GNB1L: variants seen among roughly 807,000 people sequenced by gnomAD.
GNB1L encodes G protein subunit beta 1 like, also known as guanine nucleotide-binding protein subunit beta-like protein 1.
GNB1L carries 20 observed loss-of-function variants against 29.1 expected under a neutral mutation model. The ratio of observed to expected loss-of-function variants is 0.69; its 90% CI spans 0.48 to 1.00. GNB1L has a LOEUF of 1.00. GNB1L is among the 50% of genes least tolerant of loss of function. GNB1L has a pLI of 0.00. For missense variants in GNB1L, 421 were observed against 464.9 expected, an observed-to-expected ratio of 0.91 and a Z score of 0.87; for synonymous variants, 193 against 206.5, an observed-to-expected ratio of 0.93 and a Z score of 0.56.
In GNB1L at chr22:19,849,088, G is replaced by A. The variant is rs1021615900; in HGVS notation, c.-21+5355C>T. 6.1e-6 allele frequency: 6 copies of A among 985,404 alleles called. No homozygotes were observed. The South Asian group carries it at 2.8e-4, about 46-fold the overall frequency. 61.0% of individuals were successfully genotyped at this position (985,404 alleles called of 1,614,324 possible). On this transcript the variant is annotated intron_variant, in intron 2 of 7. Coordinates refer to ENST00000329517, the MANE Select transcript of GNB1L (RefSeq NM_053004.3). ...CTGTGACCTGGCACAGAAGCATGGG[G>A]CTGGGCCAGGACATCCAGGGACTTC... is the stretch of plus-strand genomic sequence containing the variant.
chr22:19,803,462 G>A (rs753188729), intron 6 of GNB1L, among the ~76,000 whole-genome samples: 3 of 152,118 alleles, frequency 2.0e-5, no homozygotes, highest in Non-Finnish European at 4.4e-5. Context: ...CCAGGGCCCC[G>A]AGTGTACTCA....
At chr22:19,817,950 G>T (rs566287867) in intron 4 of GNB1L, among the ~76,000 whole-genome samples, 35 of 152,362 alleles carry the variant, frequency 2.3e-4, no homozygotes, top group African/African-American at 8.2e-4. Flanking sequence ...CTTGGCATGC[G>T]GGAGGCTGAG....
Position 19,788,085 on chromosome 22 carries a change from G to C in GNB1L, c.*624C>G. 6.1e-6 allele frequency: 1 copy of C among 164,040 alleles called. No homozygotes were observed. The highest frequency in any genetic ancestry group is 1.3e-5 in the Non-Finnish European group (1 of 75,196). The allele number at this position is 164,040 out of a possible 1,614,324, so 10.2% of individuals were successfully genotyped here. Reference sequence around the variant, plus strand: ...CACATCTGGCCTGGCCCTGTGCGCTGCAAGCCCCCCTTGCCGTCCCTCACA... The same window carrying C: ...CACATCTGGCCTGGCCCTGTGCGCTCCAAGCCCCCCTTGCCGTCCCTCACA... On this transcript the variant is annotated 3_prime_UTR_variant, in exon 8 of 8. Transcript: ENST00000329517.
At chr22:19,847,648 T>C in intron 2 of GNB1L, 1 of 985,106 alleles carries the variant, frequency 1.0e-6, no homozygotes, top group Non-Finnish European at 1.2e-6. Context: ...AGAGCCTTCA[T>C]GCACCTAGCA....
intron 4 of GNB1L, among the ~76,000 whole-genome samples, chr22:19,819,381 T>C (rs1206447528): frequency 6.6e-6 from 1 of 152,196 alleles, no homozygotes; most frequent in African/African-American, 2.4e-5. Flanking sequence ...GACTGGGACC[T>C]GGGCCCATGG....
At chr22:19,848,686 G>T in intron 2 of GNB1L, 1 of 985,434 alleles carries the variant, frequency 1.0e-6, no homozygotes, top group Non-Finnish European at 1.2e-6. Context: ...TGCCTAGGTG[G>T]ATGCTGCATG....
At chr22:19,847,316 G>A (rs1419579885) in intron 2 of GNB1L, 10 of 985,194 alleles carry the variant, frequency 1.0e-5, no homozygotes, top group Non-Finnish European at 1.2e-5. Context: ...TCTGGCTCAT[G>A]CTGACTGATC....
At chr22:19,851,372 G>C in intron 2 of GNB1L, 1 of 1,614,144 alleles carries the variant, frequency 6.2e-7, no homozygotes, top group Non-Finnish European at 8.5e-7. Context: ...GACAGGTGTG[G>C]GGGCTGCCTC....
intron 4 of GNB1L, among the ~76,000 whole-genome samples, chr22:19,812,939 T>G (rs78651973): frequency 2.0e-5 from 3 of 152,052 alleles, no homozygotes; most frequent in Non-Finnish European, 4.4e-5. Context: ...AGTGGGTGAA[T>G]TAGTTTCTCA....
intron 2 of GNB1L, chr22:19,852,276 GGAGAA>G: frequency 6.3e-7 from 1 of 1,584,460 alleles, no homozygotes; most frequent in Non-Finnish European, 8.6e-7. Flanking sequence ...GGAGCACAGG[GGAGAA>G]GAGAGGAGAG....
At chr22:19,806,207 C>T (rs1291694534) in intron 6 of GNB1L, among the ~76,000 whole-genome samples, 2 of 152,264 alleles carry the variant, frequency 1.3e-5, no homozygotes, top group East Asian at 3.8e-4. Flanking sequence ...GTTAAGTCCA[C>T]TCCTGCCTCT....
At chr22:19,852,729 G>C (rs1465433191) in intron 2 of GNB1L, among the ~76,000 whole-genome samples, 1 of 152,174 alleles carries the variant, frequency 6.6e-6, no homozygotes, top group Admixed American at 6.5e-5. Flanking sequence ...GATCAGAACT[G>C]TCAGGAATTT....
At chr22:19,840,497 G>A (rs530379615) in intron 2 of GNB1L, among the ~76,000 whole-genome samples, 115 of 152,258 alleles carry the variant, frequency 7.6e-4, no homozygotes, top group Admixed American at 1.4e-3. Flanking sequence ...CTGACCACAC[G>A]TCCCACTGAC....
At position 19,812,593 on chromosome 22, in the gene GNB1L, A is replaced by C. The variant is rs536313918; in HGVS notation, c.255-146T>G. ...CATCGCAGGTCGGGAGCCTCAGCTG[A>C]GGAAGGGCCTCACCGCTCTGGCATT... On this transcript the variant is annotated intron_variant, in intron 4 of 7. Transcript: ENST00000329517. 2.0e-5 allele frequency: 15 copies of C among 747,052 alleles called. No individual in the cohort carries two copies. The East Asian group carries it at 4.1e-4, about 20-fold the overall frequency. 46.3% of individuals were successfully genotyped at this position (747,052 alleles called of 1,614,324 possible).
chr22:19,812,704 G>A (rs5993842), intron 4 of GNB1L, among the ~76,000 whole-genome samples: 3,889 of 152,274 alleles, frequency 0.026, 144 homozygotes, highest in African/African-American at 0.083. Context: ...GCGTGGCCCC[G>A]GGGTGGGGGA....
rs1378733040 is a variant in GNB1L, at chr22:19,784,358, C to A, written c.*4351G>T. 1 of 152,186 alleles carries A rather than the reference C, an allele frequency of 6.6e-6. No individual in the cohort carries two copies. The highest frequency in any genetic ancestry group is 6.5e-5 in the Admixed American group (1 of 15,280). 9.4% of individuals were successfully genotyped at this position (152,186 alleles called of 1,614,324 possible). A position where few individuals can be genotyped will look rare whatever the true frequency, so the allele number is the denominator to read the frequency against. The stretch of plus-strand genomic sequence containing the variant: ...TGTGCTCCGGAGCCCTTCCCGGGAT[C>A]ATCTCCCGGCATCGGCTGACCCCTC... On this transcript the variant is annotated 3_prime_UTR_variant, in exon 8 of 8. Coordinates refer to ENST00000329517, the MANE Select transcript of GNB1L (RefSeq NM_053004.3).
At chr22:19,796,045 G>A (rs1446922058) in intron 7 of GNB1L, among the ~76,000 whole-genome samples, 1 of 152,250 alleles carries the variant, frequency 6.6e-6, no homozygotes, top group East Asian at 1.9e-4. Flanking sequence ...GGCCAGGAAG[G>A]TTGGAGGTAA....
chr22:19,820,195 T>C (rs1367019541), intron 4 of GNB1L, among the ~76,000 whole-genome samples: 3 of 152,132 alleles, frequency 2.0e-5, no homozygotes, highest in Admixed American at 6.5e-5. Flanking sequence ...CCTGAGCCTG[T>C]ACTTCATCCC....
chr22:19,827,965 G>A (rs557928134), intron 2 of GNB1L, among the ~76,000 whole-genome samples: 4 of 152,146 alleles, frequency 2.6e-5, no homozygotes, highest in Non-Finnish European at 5.9e-5. Context: ...GGGTAAATTC[G>A]TACGATAGAA....
Sources: gnomAD v4.1 joint callset for allele counts (sites outside exome capture counted in the v4.1 genomes callset) on GRCh38, gnomAD v4.1.1 for gene constraint, MANE v1.5 for transcripts, NCBI Gene and HGNC (gene_info 2026-07-23, HGNC 2026-07-21) for gene names.